ENOX1: variants seen among roughly 807,000 people sequenced by gnomAD.
ENOX1 encodes ecto-NOX disulfide-thiol exchanger 1.
ENOX1 carries 42 observed loss-of-function variants against 82.5 expected under a neutral mutation model. The observed-to-expected ratio is 0.51, with a 90% confidence interval of 0.40 to 0.66. The LOEUF is 0.66. Ranked by LOEUF, ENOX1 falls within the 30% of genes least tolerant of loss-of-function variation. The pLI, the probability that ENOX1 is intolerant of heterozygous loss-of-function variation, is 0.00. For missense variants in ENOX1, 608 were observed against 811.6 expected, an observed-to-expected ratio of 0.75 and a Z score of 3.05; for synonymous variants, 271 against 282.2, an observed-to-expected ratio of 0.96 and a Z score of 0.40.
chr13:43,486,625 T>G (rs1220805764), intron 2 of ENOX1, among the ~76,000 whole-genome samples: 2 of 152,126 alleles, frequency 1.3e-5, no homozygotes, highest in African/African-American at 4.8e-5. Flanking sequence ...GAGATACAAC[T>G]AGGATGTCAA....
At chr13:43,590,578 T>C (rs548213046) in intron 2 of ENOX1, among the ~76,000 whole-genome samples, 2 of 151,024 alleles carry the variant, frequency 1.3e-5, no homozygotes, top group African/African-American at 4.9e-5. Context: ...ATCGAGACCA[T>C]TGTGGCTAAC....
intron 11 of ENOX1, among the ~76,000 whole-genome samples, chr13:43,311,231 A>C (rs2153518468): frequency 6.6e-6 from 1 of 152,158 alleles, no homozygotes; most frequent in East Asian, 1.9e-4. Flanking sequence ...CAGGAGTGCT[A>C]GAGAAAGAGA....
chr13:43,346,817 G>A (rs1393991670), intron 8 of ENOX1, among the ~76,000 whole-genome samples: 1 of 152,112 alleles, frequency 6.6e-6, no homozygotes, highest in Admixed American at 6.6e-5. Context: ...ATATATGTTA[G>A]GAGAATGGAC....
chr13:43,542,498 C>T (rs941890390), intron 2 of ENOX1, among the ~76,000 whole-genome samples: 5 of 142,670 alleles, frequency 3.5e-5, no homozygotes, highest in South Asian at 4.6e-4. Flanking sequence ...TGCAGTGCCA[C>T]GATCTTGGCT....
intron 9 of ENOX1, among the ~76,000 whole-genome samples, chr13:43,338,963 G>A (rs928513908): frequency 1.3e-5 from 2 of 152,180 alleles, no homozygotes; most frequent in Non-Finnish European, 2.9e-5. Flanking sequence ...GGGATTACAG[G>A]CGTGAGCCAC....
intron 1 of ENOX1, among the ~76,000 whole-genome samples, chr13:43,781,398 G>T (rs1243170099): frequency 6.6e-6 from 1 of 152,268 alleles, no homozygotes; most frequent in African/African-American, 2.4e-5. Context: ...AAATTTTCCA[G>T]AGGGAGTAAT....
intron 1 of ENOX1, among the ~76,000 whole-genome samples, chr13:43,750,480 G>A (rs1297876047): frequency 1.3e-5 from 2 of 152,156 alleles, no homozygotes; most frequent in African/African-American, 4.8e-5. Flanking sequence ...GGTCTTTAGT[G>A]CTTGTACCAT....
At chr13:43,498,372 T>C (rs1191515448) in intron 2 of ENOX1, among the ~76,000 whole-genome samples, 1 of 152,038 alleles carries the variant, frequency 6.6e-6, no homozygotes, top group Non-Finnish European at 1.5e-5. Context: ...CTTATAGTAA[T>C]AACAGGAAGC....
chr13:43,434,937 GTTTTTTTTTTTT>G (rs537775258), intron 3 of ENOX1, among the ~76,000 whole-genome samples: 3 of 75,910 alleles, frequency 4.0e-5, no homozygotes, highest in African/African-American at 5.3e-5. Flanking sequence ...TGTGTGTGTG[GTTTTTTTTTTTT>G]TTTTTTTTTT....
chr13:43,593,669 TACACACACACACAC>T (rs58120566), intron 2 of ENOX1, among the ~76,000 whole-genome samples: 16,115 of 69,242 alleles, frequency 0.23, 2,791 homozygotes, highest in East Asian at 0.47. Flanking sequence ...CCAATCTCTG[TACACACACACACAC>T]ACACACACAC....
chr13:43,719,336 CACACACA>C (rs2088395233), intron 1 of ENOX1, among the ~76,000 whole-genome samples: 2 of 151,416 alleles, frequency 1.3e-5, no homozygotes, highest in African/African-American at 4.9e-5. Context: ...CACACACACA[CACACACA>C]CACACCAGCA....
At chr13:43,225,328 G>T (rs576085506) in intron 15 of ENOX1, among the ~76,000 whole-genome samples, 1 of 152,166 alleles carries the variant, frequency 6.6e-6, no homozygotes, top group East Asian at 1.9e-4. Context: ...CCATTACCAG[G>T]GGGATGGGTT....
At chr13:43,779,174 C>T (rs551737475) in intron 1 of ENOX1, among the ~76,000 whole-genome samples, 13 of 147,062 alleles carry the variant, frequency 8.8e-5, no homozygotes, top group African/African-American at 3.0e-4. Flanking sequence ...CCAAACTTGC[C>T]TCGTTATTTA....
intron 2 of ENOX1, among the ~76,000 whole-genome samples, chr13:43,641,274 G>A (rs1448975125): frequency 6.6e-6 from 1 of 152,038 alleles, no homozygotes; most frequent in Admixed American, 6.5e-5. Context: ...TGGGTTCAGA[G>A]AGGTGACCCA....
chr13:43,767,938 G>T (rs886841155), intron 1 of ENOX1, among the ~76,000 whole-genome samples: 1 of 152,206 alleles, frequency 6.6e-6, no homozygotes, highest in African/African-American at 2.4e-5. Flanking sequence ...GAGGAGGAGG[G>T]AGAGAGACTA....
chr13:43,602,911 A>G (rs938364682), intron 2 of ENOX1, among the ~76,000 whole-genome samples: 9 of 152,196 alleles, frequency 5.9e-5, no homozygotes, highest in Admixed American at 2.0e-4. Context: ...GTGTATTTCT[A>G]AGGGAAAAAG....
intron 1 of ENOX1, among the ~76,000 whole-genome samples, chr13:43,758,792 G>A (rs963581135): frequency 2.6e-5 from 4 of 152,128 alleles, no homozygotes; most frequent in Non-Finnish European, 5.9e-5. Context: ...TAAATTAGAC[G>A]ATTAAATGAT....
chr13:43,225,628 T>C (rs2041992402), intron 15 of ENOX1, among the ~76,000 whole-genome samples: 1 of 152,184 alleles, frequency 6.6e-6, no homozygotes, highest in Non-Finnish European at 1.5e-5. Context: ...TACTAGGTCA[T>C]CCTATAGGTG....
chr13:43,221,360 C>T (rs2041778996), intron 16 of ENOX1, among the ~76,000 whole-genome samples: 1 of 152,190 alleles, frequency 6.6e-6, no homozygotes, highest in Admixed American at 6.5e-5. Flanking sequence ...TTCGGAGAGA[C>T]AAGAGGTTGG....
Sources: gnomAD v4.1 joint callset for allele counts (sites outside exome capture counted in the v4.1 genomes callset) on GRCh38, gnomAD v4.1.1 for gene constraint, MANE v1.5 for transcripts, NCBI Gene and HGNC (gene_info 2026-07-23, HGNC 2026-07-21) for gene names.